Variants in SFT2D2 observed in about 807,000 individuals in gnomAD.
The protein encoded by SFT2D2 is SFT2 domain containing 2, also known as vesicle transport protein SFT2B.
SFT2D2 carries 21 observed loss-of-function variants against 27.4 expected under a neutral mutation model. That is an observed-to-expected ratio of 0.77 (90% CI 0.54 to 1.10). SFT2D2 has a LOEUF of 1.10. Ranked by LOEUF, SFT2D2 falls within the 50% of genes least tolerant of loss-of-function variation. The pLI is 0.00. For synonymous variants in SFT2D2, 72 were observed against 71.7 expected, an observed-to-expected ratio of 1.00 and a Z score of -0.02; for missense variants, 187 against 194.2, an observed-to-expected ratio of 0.96 and a Z score of 0.22.
At position 168,248,736 on chromosome 1, in the gene SFT2D2, T is replaced by G. The variant is rs980738412; in HGVS notation, c.*6196T>G. Reference sequence around the variant, plus strand: ...CTGGTCCTGGACTTTTTATGGTTGGTAGGCTATTAATTACTGCCTCAATTT... The same window carrying G: ...CTGGTCCTGGACTTTTTATGGTTGGGAGGCTATTAATTACTGCCTCAATTT... On this transcript the variant is annotated 3_prime_UTR_variant, in exon 8 of 8. Coordinates refer to ENST00000271375, the MANE Select transcript of SFT2D2 (RefSeq NM_199344.3). 4.6e-5 allele frequency: 7 copies of G among 152,268 alleles called. No homozygotes were observed. Among genetic ancestry groups the G allele is most frequent in the Non-Finnish European group, 8.8e-5 (6 of 68,062 alleles). 9.4% of individuals were successfully genotyped at this position (152,268 alleles called of 1,614,324 possible).
intron 7 of SFT2D2, among the ~76,000 whole-genome samples, chr1:168,239,458 T>G (rs900126858): frequency 1.6e-4 from 16 of 98,236 alleles, no homozygotes; most frequent in African/African-American, 8.3e-4. Flanking sequence ...TTGAGTAGGG[T>G]TTTTTTTTTT....
chr1:168,243,136 T>TG lies in SFT2D2; in HGVS notation c.*596_*597insG, dbSNP rs1647695518. 1 of 153,428 alleles carries TG rather than the reference T, an allele frequency of 6.5e-6. No homozygotes were observed. Among genetic ancestry groups the TG allele is most frequent in the Non-Finnish European group, 1.5e-5 (1 of 68,830 alleles). 9.5% of individuals were successfully genotyped at this position (153,428 alleles called of 1,614,324 possible). Reference sequence around the variant, plus strand: ...ATTTGAATCTAAGCATTCTTGGTGTTCTGATTCTGCGCCTGACTGTGGAAT... The same window carrying TG: ...ATTTGAATCTAAGCATTCTTGGTGTTGCTGATTCTGCGCCTGACTGTGGAAT... On this transcript the variant is annotated 3_prime_UTR_variant, in exon 8 of 8. Transcript: ENST00000271375.
chr1:168,232,079 A>G (rs1156357254), intron 3 of SFT2D2, among the ~76,000 whole-genome samples, 160 bp downstream of exon 3: 1 of 152,184 alleles, frequency 6.6e-6, no homozygotes, highest in Non-Finnish European at 1.5e-5. Context: ...ATTTGAAAAC[A>G]TTTTATATCT....
intron 6 of SFT2D2, among the ~76,000 whole-genome samples, chr1:168,237,668 A>G (rs1484366424): frequency 6.6e-6 from 1 of 152,248 alleles, no homozygotes; most frequent in Non-Finnish European, 1.5e-5. Flanking sequence ...CCTATTTGGT[A>G]GAAATGAATC....
At chr1:168,234,891 G>C (rs1292680040) in intron 3 of SFT2D2, among the ~76,000 whole-genome samples, 1 of 152,190 alleles carries the variant, frequency 6.6e-6, no homozygotes, top group Non-Finnish European at 1.5e-5. Context: ...AAGTAACTCT[G>C]TGGGCTTTGG....
chr1:168,238,243 A>G (rs1373785427), intron 6 of SFT2D2, among the ~76,000 whole-genome samples: 1 of 152,088 alleles, frequency 6.6e-6, no homozygotes, highest in Non-Finnish European at 1.5e-5. Flanking sequence ...AGTTGGTAGC[A>G]TTTTTTTCTT....
In SFT2D2 at chr1:168,252,319, G is replaced by A. The variant is rs1460349293; in HGVS notation, c.*9779G>A. ...AACAACAAAAGGACAACTGGTCCCCGATATAAATGGACTAGCTACCTGGAC... is the reference window on the plus strand; with the variant it reads ...AACAACAAAAGGACAACTGGTCCCCAATATAAATGGACTAGCTACCTGGAC... On this transcript the variant is annotated 3_prime_UTR_variant, in exon 8 of 8. Coordinates refer to ENST00000271375, the MANE Select transcript of SFT2D2 (RefSeq NM_199344.3). The A allele has an allele frequency of 6.6e-6, 1 of 152,156 alleles. No individual in the cohort carries two copies. The highest frequency in any genetic ancestry group is 2.4e-5 in the African/African-American group (1 of 41,438). 9.4% of individuals were successfully genotyped at this position (152,156 alleles called of 1,614,324 possible). A position where few individuals can be genotyped will look rare whatever the true frequency, so the allele number is the denominator to read the frequency against.
chr1:168,237,796 C>T (rs1177241139), intron 6 of SFT2D2, among the ~76,000 whole-genome samples: 3 of 150,560 alleles, frequency 2.0e-5, no homozygotes, highest in African/African-American at 7.3e-5. Flanking sequence ...AGCTTCTGTA[C>T]ATGTTAAGTA....
intron 1 of SFT2D2, among the ~76,000 whole-genome samples, chr1:168,228,573 A>T (rs568820673): frequency 6.6e-6 from 1 of 152,326 alleles, no homozygotes; most frequent in South Asian, 2.1e-4. Flanking sequence ...TTCTGAAAGT[A>T]TAGGTTTTAT....
intron 3 of SFT2D2, among the ~76,000 whole-genome samples, chr1:168,234,403 A>C (rs1052099474): frequency 6.6e-6 from 1 of 151,282 alleles, no homozygotes; most frequent in Non-Finnish European, 1.5e-5. Flanking sequence ...AAAAAAAAAA[A>C]AACAAACAAA....
At chr1:168,229,125 A>G (rs561202596) in intron 1 of SFT2D2, among the ~76,000 whole-genome samples, 1 of 152,234 alleles carries the variant, frequency 6.6e-6, no homozygotes, top group African/African-American at 2.4e-5. Flanking sequence ...AGAGACTTGG[A>G]TATGGAGTGT....
In SFT2D2 at chr1:168,236,204, T is replaced by TCCTCACATGTGCTTTCTGCTG. The variant is rs1173725575; in HGVS notation, c.319-383_319-363dup. On this transcript the variant is annotated intron_variant, in intron 4 of 7. Coordinates refer to ENST00000271375, the MANE Select transcript of SFT2D2 (RefSeq NM_199344.3). Reference sequence around the variant, plus strand: ...GATTGATATCTCAGGTTAACCTTTGTCCTCACATGTGCTTTCTGCTGCAGA... The same window carrying TCCTCACATGTGCTTTCTGCTG: ...GATTGATATCTCAGGTTAACCTTTGTCCTCACATGTGCTTTCTGCTGCCTCACATGTGCTTTCTGCTGCAGA... 2.0e-5 allele frequency among the ~76,000 whole-genome samples: 3 copies of TCCTCACATGTGCTTTCTGCTG among 152,248 alleles called. No homozygotes were observed. In the East Asian group the frequency reaches 5.8e-4, roughly 29 times the overall value.
chr1:168,234,748 T>G (rs1187442687), intron 3 of SFT2D2, among the ~76,000 whole-genome samples: 1 of 152,182 alleles, frequency 6.6e-6, no homozygotes, highest in Non-Finnish European at 1.5e-5. Context: ...TGAGTAGTTA[T>G]TGTCAGGGAG....
rs1647977435 is a variant in SFT2D2 at position 168,252,782 on chromosome 1, T to TCC, written c.*10242_*10243insCC. ...ACATGAATCCATTTTTGTAATTGTA[T>TCC]AAATACTCATAACTAATTTTGAATG... is the stretch of plus-strand genomic sequence containing the variant. On this transcript the variant is annotated 3_prime_UTR_variant, in exon 8 of 8. Coordinates refer to ENST00000271375, the MANE Select transcript of SFT2D2 (RefSeq NM_199344.3). 1.3e-5 allele frequency: 2 copies of TCC among 152,252 alleles called. No homozygotes were observed. Among genetic ancestry groups the TCC allele is most frequent in the Non-Finnish European group, 2.9e-5 (2 of 68,040 alleles). 9.4% of individuals were successfully genotyped at this position (152,252 alleles called of 1,614,324 possible).
At chr1:168,238,276 C>A (rs1647557529) in intron 6 of SFT2D2, among the ~76,000 whole-genome samples, 1 of 151,876 alleles carries the variant, frequency 6.6e-6, no homozygotes, top group South Asian at 2.1e-4. Flanking sequence ...TCTCTTTTCT[C>A]TTCTTTTAAA....
intron 7 of SFT2D2, 66 bp downstream of exon 7, chr1:168,239,226 A>G: frequency 1.1e-5 from 13 of 1,221,590 alleles, no homozygotes; most frequent in Middle Eastern, 2.4e-4. Flanking sequence ...TTCAGAGAGT[A>G]TAGCCTATTT....
Position 168,246,945 on chromosome 1 carries a change from A to C in SFT2D2, c.*4405A>C. On this transcript the variant is annotated 3_prime_UTR_variant, in exon 8 of 8. Coordinates refer to ENST00000271375, the MANE Select transcript of SFT2D2 (RefSeq NM_199344.3). ...TTTTATTGTGTGTATTTCCAGCCTG[A>C]GCCTGGCAATTTCATCTTGCATCAA... The C allele has an allele frequency of 1.6e-6, 1 of 640,650 alleles. No homozygotes were observed. The highest frequency in any genetic ancestry group is 1.8e-5 in the African/African-American group (1 of 54,376). The allele number at this position is 640,650 out of a possible 1,614,324, so 39.7% of individuals were successfully genotyped here.
rs977284055 is a variant in SFT2D2, at chr1:168,244,271, G to C, written c.*1731G>C. 1 of 150,776 alleles carries C rather than the reference G, an allele frequency of 6.6e-6. No homozygotes were observed. Among genetic ancestry groups the C allele is most frequent in the African/African-American group, 2.4e-5 (1 of 40,994 alleles). 9.3% of individuals were successfully genotyped at this position (150,776 alleles called of 1,614,324 possible). On this transcript the variant is annotated 3_prime_UTR_variant, in exon 8 of 8. Transcript: ENST00000271375. ...CTGCTCACTGCAACCTCCACCTCCC[G>C]GGTTCAAGCAATTCTCCTGCCTCAG...
rs184806579 is a variant in SFT2D2, at chr1:168,231,470, T to C, written c.64-44T>C. 1,214 of 1,507,170 alleles carry C rather than the reference T, an allele frequency of 8.1e-4. 1 individual carries two copies. The highest frequency in any genetic ancestry group is 1.1e-3 in the South Asian group (99 of 86,960). The allele number at this position is 1,507,170 out of a possible 1,614,324, so 93.4% of individuals were successfully genotyped here. A position where few individuals can be genotyped will look rare whatever the true frequency, so the allele number is the denominator to read the frequency against. Reference sequence around the variant, plus strand: ...TTTAGTTATGTGCTTGCTTTGTTTTTAGTAAATGTGTGTGTATATGTATTT... The same window carrying C: ...TTTAGTTATGTGCTTGCTTTGTTTTCAGTAAATGTGTGTGTATATGTATTT... On this transcript the variant is annotated intron_variant, in intron 1 of 7. Coordinates refer to ENST00000271375, the MANE Select transcript of SFT2D2 (RefSeq NM_199344.3).
Sources: gnomAD v4.1 joint callset for allele counts (sites outside exome capture counted in the v4.1 genomes callset) on GRCh38, gnomAD v4.1.1 for gene constraint, MANE v1.5 for transcripts, NCBI Gene and HGNC (gene_info 2026-07-23, HGNC 2026-07-21) for gene names.